ANTXR1: variants seen among roughly 807,000 people sequenced by gnomAD.
ANTXR1 encodes the protein anthrax toxin receptor 1.
A neutral mutation model predicts 78.1 loss-of-function variants in ANTXR1; 19 were observed. That is an observed-to-expected ratio of 0.24 (90% CI 0.17 to 0.36). The LOEUF (loss-of-function observed/expected upper bound fraction) is 0.36. Among genes scored for constraint, ANTXR1 ranks in the 10% least tolerant of loss-of-function variants. ANTXR1 has a pLI of 1.00. For missense variants in ANTXR1, 518 were observed against 718.6 expected (o/e 0.72, Z 3.19); for synonymous variants, 273 against 260.5 (o/e 1.05, Z -0.46).
chr2:69,138,139 G>GT lies in ANTXR1; in HGVS notation c.951+13496_951+13497insT, dbSNP rs1672969887. Among the ~76,000 whole-genome samples the GT allele has an allele frequency of 4.6e-5, 7 of 151,990 alleles. No homozygotes were observed. The South Asian group carries it at 1.5e-3, about 32-fold the overall frequency. On this transcript the variant is annotated intron_variant, in intron 12 of 17. Coordinates refer to ENST00000303714, the MANE Select transcript of ANTXR1 (RefSeq NM_032208.3). Reference sequence around the variant, plus strand: ...AAAAAAGAAAAAAAAATTGGTAGAGGGGGGAAGGAGTTGTCAGTGGGAAAG... The same window carrying GT: ...AAAAAAGAAAAAAAAATTGGTAGAGGTGGGGAAGGAGTTGTCAGTGGGAAAG...
At chr2:69,166,514 T>C (rs1389470663) in intron 13 of ANTXR1, among the ~76,000 whole-genome samples, 1 of 152,146 alleles carries the variant, frequency 6.6e-6, no homozygotes, top group Non-Finnish European at 1.5e-5. Flanking sequence ...ACTTTCTGCT[T>C]CTCTAAAATA....
intron 17 of ANTXR1, among the ~76,000 whole-genome samples, chr2:69,240,731 C>T (rs894953601): frequency 6.6e-6 from 1 of 152,212 alleles, no homozygotes; most frequent in Non-Finnish European, 1.5e-5. Context: ...CTGAGGCAAA[C>T]AGAGCTGGGT....
chr2:69,236,351 TAC>T (rs1456964796), intron 17 of ANTXR1, among the ~76,000 whole-genome samples: 3 of 152,168 alleles, frequency 2.0e-5, no homozygotes, highest in East Asian at 1.9e-4. Context: ...TGTATATGTA[TAC>T]ACACATATAT....
At chr2:69,152,494 TG>T (rs1475887467) in intron 13 of ANTXR1, among the ~76,000 whole-genome samples, 3 of 152,088 alleles carry the variant, frequency 2.0e-5, no homozygotes, top group Non-Finnish European at 4.4e-5. Context: ...GCCCCTTGGG[TG>T]GGGCAACTGG....
intron 14 of ANTXR1, among the ~76,000 whole-genome samples, chr2:69,171,383 A>T (rs1223516457): frequency 6.6e-6 from 1 of 152,272 alleles, no homozygotes; most frequent in Admixed American, 6.5e-5. Context: ...CCTTCTTTAC[A>T]TACATTAAAA....
At position 69,013,366 on chromosome 2, in the gene ANTXR1, C is replaced by T. The variant is rs1422630082; in HGVS notation, c.-134C>T. ...TTGAACTCCTCCAGACAATTGCTTC[C>T]GGGGAGTTGCGAGGGAGCGAGGGGG... On this transcript the variant is annotated 5_prime_UTR_variant, in exon 1 of 18. Coordinates refer to ENST00000303714, the MANE Select transcript of ANTXR1 (RefSeq NM_032208.3). The surrounding 1 kb of genome is among the most constrained non-coding windows in gnomAD (Gnocchi z 5.0). 5 of 1,230,336 alleles carry T rather than the reference C, an allele frequency of 4.1e-6. No homozygotes were observed. In the African/African-American group the frequency reaches 4.5e-5, roughly 11 times the overall value. The allele number at this position is 1,230,336 out of a possible 1,614,324, so 76.2% of individuals were successfully genotyped here.
At chr2:69,130,800 G>T (rs1672717357) in intron 12 of ANTXR1, among the ~76,000 whole-genome samples, 1 of 152,160 alleles carries the variant, frequency 6.6e-6, no homozygotes, top group Non-Finnish European at 1.5e-5. Context: ...TGATTAAGAA[G>T]CATGCTCCTT....
chr2:69,235,556 G>A (rs1675737236), intron 17 of ANTXR1, among the ~76,000 whole-genome samples: 1 of 151,060 alleles, frequency 6.6e-6, no homozygotes, highest in Non-Finnish European at 1.5e-5. Flanking sequence ...GGAGGCTGAG[G>A]TGGGAGGATC....
At position 69,246,967 on chromosome 2, in the gene ANTXR1, G is replaced by C. The variant is rs1476876163; in HGVS notation, c.*1482G>C. The C allele has an allele frequency of 6.6e-6, 1 of 152,166 alleles. No individual in the cohort carries two copies. Among genetic ancestry groups the C allele is most frequent in the African/African-American group, 2.4e-5 (1 of 41,408 alleles). The allele number at this position is 152,166 out of a possible 1,614,324, so 9.4% of individuals were successfully genotyped here. A position where few individuals can be genotyped will look rare whatever the true frequency, so the allele number is the denominator to read the frequency against. On this transcript the variant is annotated 3_prime_UTR_variant, in exon 18 of 18. Transcript: ENST00000303714. ...AAAATAAATATACATTTAGTGGCTT[G>C]GGCTATGGTCTCCAAAGATCCTTCA... is the stretch of plus-strand genomic sequence containing the variant.
intron 9 of ANTXR1, among the ~76,000 whole-genome samples, chr2:69,097,151 C>T (rs1015784422): frequency 3.3e-5 from 5 of 152,196 alleles, no homozygotes; most frequent in Non-Finnish European, 5.9e-5. Context: ...GCACCCTGTG[C>T]CTGAGCACAG....
At chr2:69,075,792 C>A in intron 7 of ANTXR1, 134 bp downstream of exon 7, 1 of 874,358 alleles carries the variant, frequency 1.1e-6, no homozygotes, top group Non-Finnish European at 1.9e-6. Context: ...AAATGCTAAA[C>A]AGGAAGGAAT....
intron 12 of ANTXR1, among the ~76,000 whole-genome samples, chr2:69,129,455 T>TA (rs750091270): frequency 2.7e-4 from 41 of 152,028 alleles, no homozygotes; most frequent in Non-Finnish European, 3.2e-4. Flanking sequence ...AACAAGCATA[T>TA]AAAAGAGTGT....
intron 3 of ANTXR1, among the ~76,000 whole-genome samples, chr2:69,069,519 C>T (rs1670504463): frequency 1.3e-5 from 2 of 152,214 alleles, no homozygotes; most frequent in African/African-American, 4.8e-5. Context: ...CATTGCCTTT[C>T]ACTGATGCCA....
intron 17 of ANTXR1, among the ~76,000 whole-genome samples, chr2:69,231,838 G>T (rs1424572733): frequency 6.6e-6 from 1 of 152,082 alleles, no homozygotes; most frequent in African/African-American, 2.4e-5. Flanking sequence ...TCAGAGGCAG[G>T]CTCAAAGCTA....
At chr2:69,244,714 T>A (rs1675972469) in intron 17 of ANTXR1, among the ~76,000 whole-genome samples, 1 of 152,172 alleles carries the variant, frequency 6.6e-6, no homozygotes, top group Admixed American at 6.5e-5. Context: ...CTAATCAAAA[T>A]AAATTACTTT....
chr2:69,017,178 G>A (rs1045587036), intron 1 of ANTXR1, among the ~76,000 whole-genome samples: 1 of 152,178 alleles, frequency 6.6e-6, no homozygotes, highest in African/African-American at 2.4e-5. Context: ...CAGAGCTAGG[G>A]GATGGGCCAA....
At chr2:69,192,011 A>G (rs1054495845) in intron 16 of ANTXR1, among the ~76,000 whole-genome samples, 3 of 152,212 alleles carry the variant, frequency 2.0e-5, no homozygotes, top group Non-Finnish European at 4.4e-5. Context: ...CAACAAATAT[A>G]TATTGAGCAC....
chr2:69,058,330 T>C (rs1429311391), intron 3 of ANTXR1, among the ~76,000 whole-genome samples: 2 of 152,306 alleles, frequency 1.3e-5, no homozygotes, highest in East Asian at 3.9e-4. Flanking sequence ...CCTAGCTCTC[T>C]TATAAGGAGT....
At chr2:69,086,399 G>A (rs948955898) in intron 8 of ANTXR1, among the ~76,000 whole-genome samples, 1 of 152,222 alleles carries the variant, frequency 6.6e-6, no homozygotes, top group South Asian at 2.1e-4. Flanking sequence ...AACAGCTCCT[G>A]TAACTTGGCA....
Sources: gnomAD v4.1 joint callset for allele counts (sites outside exome capture counted in the v4.1 genomes callset) on GRCh38, gnomAD v4.1.1 for gene constraint, Gnocchi (gnomAD v3.1) non-coding constraint, MANE v1.5 for transcripts, NCBI Gene and HGNC (gene_info 2026-07-23, HGNC 2026-07-21) for gene names.